The following IL34 variants were observed in gnomAD, a reference collection of about 807,000 sequenced individuals.
The protein encoded by IL34 is interleukin-34.
In IL34, 17 loss-of-function variants were observed where a neutral mutation model predicts 25.3. The observed-to-expected ratio is 0.67, with a 90% confidence interval of 0.46 to 1.01. The LOEUF is 1.01. Among genes scored for constraint, IL34 ranks in the 50% least tolerant of loss-of-function variants. The pLI, the probability that IL34 is intolerant of heterozygous loss-of-function variation, is 0.00. For missense variants in IL34, 368 were observed against 312.9 expected, an observed-to-expected ratio of 1.18 and a Z score of -1.33; for synonymous variants, 174 against 140.9, an observed-to-expected ratio of 1.23 and a Z score of -1.66.
intron 4 of IL34, among the ~76,000 whole-genome samples, chr16:70,658,029 C>T (rs1213421960): frequency 2.6e-5 from 4 of 152,212 alleles, no homozygotes; most frequent in South Asian, 4.1e-4. Flanking sequence ...ATGACCCATG[C>T]AGGCCGTGTG....
At chr16:70,625,389 C>T (rs1012798816) in intron 1 of IL34, among the ~76,000 whole-genome samples, 15 of 151,740 alleles carry the variant, frequency 9.9e-5, no homozygotes, top group South Asian at 2.1e-4. Flanking sequence ...GGTTGGGGTG[C>T]GGAAATAAGG....
chr16:70,616,544 G>T (rs1382535852), intron 1 of IL34, among the ~76,000 whole-genome samples: 1 of 152,164 alleles, frequency 6.6e-6, no homozygotes, highest in Non-Finnish European at 1.5e-5. Context: ...CAACATGTCT[G>T]TTTATTTCAC....
chr16:70,642,769 A>G (rs1217084234), upstream of IL34, among the ~76,000 whole-genome samples: 1 of 152,222 alleles, frequency 6.6e-6, no homozygotes, highest in East Asian at 1.9e-4. Context: ...ACATGCTACA[A>G]AATGAATGAA....
chr16:70,622,039 T>A (rs994229375), intron 1 of IL34, among the ~76,000 whole-genome samples: 2 of 152,044 alleles, frequency 1.3e-5, no homozygotes, highest in Admixed American at 6.6e-5. Context: ...TGTGATGGCT[T>A]GGCTTGGGCT....
chr16:70,651,733 A>T (rs1407644608), intron 1 of IL34, among the ~76,000 whole-genome samples: 6 of 150,028 alleles, frequency 4.0e-5, no homozygotes, highest in African/African-American at 1.2e-4. Context: ...TGGCTCAGGG[A>T]GGTGACTCAG....
intron 1 of IL34, among the ~76,000 whole-genome samples, chr16:70,650,841 G>T (rs2052059801): frequency 2.6e-5 from 4 of 152,180 alleles, no homozygotes; most frequent in Admixed American, 2.0e-4. Flanking sequence ...GACAATGTCT[G>T]CTCCCATTTC....
intron 1 of IL34, among the ~76,000 whole-genome samples, chr16:70,581,949 A>G (rs1199913594): frequency 7.2e-5 from 11 of 152,156 alleles, no homozygotes; most frequent in Non-Finnish European, 5.9e-5. Flanking sequence ...AAAAACAAAC[A>G]AAAACTTTTT....
At chr16:70,601,625 C>A (rs572255017) in intron 1 of IL34, among the ~76,000 whole-genome samples, 2 of 152,306 alleles carry the variant, frequency 1.3e-5, no homozygotes, top group South Asian at 2.1e-4. Context: ...GTCTTGAACT[C>A]CTGACCTCAA....
intron 1 of IL34, 29 bp from the exon 2 acceptor site, chr16:70,654,509 C>CATGT: frequency 6.3e-7 from 1 of 1,586,116 alleles, no homozygotes; most frequent in Non-Finnish European, 8.6e-7. Flanking sequence ...GGAGGGTGCT[C>CATGT]ATGTGCTCTT....
At chr16:70,583,149 G>T (rs910522346) in intron 1 of IL34, among the ~76,000 whole-genome samples, 3 of 152,144 alleles carry the variant, frequency 2.0e-5, no homozygotes, top group Non-Finnish European at 4.4e-5. Context: ...GTCTTGCTCT[G>T]TCACCCAGGC....
intron 1 of IL34, among the ~76,000 whole-genome samples, chr16:70,592,068 G>A (rs1160783714): frequency 7.3e-6 from 1 of 136,462 alleles, no homozygotes; most frequent in Admixed American, 7.2e-5. Context: ...GCGGGGAGGT[G>A]GTGGTCCTTC....
At chr16:70,615,328 GA>G (rs1158056248) in intron 1 of IL34, among the ~76,000 whole-genome samples, 2 of 152,034 alleles carry the variant, frequency 1.3e-5, no homozygotes, top group East Asian at 3.9e-4. Context: ...CTAACATGGT[GA>G]AACCCCGTCT....
intron 1 of IL34, among the ~76,000 whole-genome samples, chr16:70,626,279 C>G (rs1597756251): frequency 6.6e-6 from 1 of 152,044 alleles, no homozygotes; most frequent in Non-Finnish European, 1.5e-5. Flanking sequence ...TTAGTATATA[C>G]AAGTTTTTAT....
chr16:70,654,322 T>G (rs986578414), intron 1 of IL34: 1 of 496,054 alleles, frequency 2.0e-6, no homozygotes, highest in Non-Finnish European at 3.5e-6. Flanking sequence ...ATGGGGTGGG[T>G]GTGGACTCTC....
intron 1 of IL34, among the ~76,000 whole-genome samples, chr16:70,625,037 G>T (rs865834420): frequency 6.6e-6 from 1 of 152,070 alleles, no homozygotes; most frequent in African/African-American, 2.4e-5. Context: ...TTTACAGCAA[G>T]AATTATTTAG....
At chr16:70,613,634 G>A (rs2051126475) in intron 1 of IL34, among the ~76,000 whole-genome samples, 1 of 152,128 alleles carries the variant, frequency 6.6e-6, no homozygotes, top group South Asian at 2.1e-4. Flanking sequence ...AACACTTTGG[G>A]AGGCTGCGGT....
chr16:70,585,837 G>GTTT (rs71151194), intron 1 of IL34, among the ~76,000 whole-genome samples: 1 of 132,166 alleles, frequency 7.6e-6, no homozygotes, highest in African/African-American at 2.8e-5. Flanking sequence ...CAGCCTCCTT[G>GTTT]TTTTTTTTTT....
chr16:70,636,210 T>C (rs972474429), intron 1 of IL34, among the ~76,000 whole-genome samples: 14 of 151,866 alleles, frequency 9.2e-5, no homozygotes, highest in Non-Finnish European at 1.3e-4. Flanking sequence ...AGCTAATTTT[T>C]GTGTTCTTAG....
intron 1 of IL34, among the ~76,000 whole-genome samples, chr16:70,611,717 A>T (rs1357566178): frequency 6.6e-6 from 1 of 152,112 alleles, no homozygotes; most frequent in African/African-American, 2.4e-5. Context: ...GGTGGCAGGC[A>T]CCTGTAATCC....
Sources: allele counts gnomAD v4.1 joint callset (sites outside exome capture counted in the v4.1 genomes callset), GRCh38; gene constraint gnomAD v4.1.1; transcripts MANE v1.5; gene names NCBI Gene and HGNC (gene_info 2026-07-23, HGNC 2026-07-21).